Variants in KCNH1 observed in about 807,000 individuals in gnomAD.
KCNH1 encodes the protein voltage-gated delayed rectifier potassium channel KCNH1.
In KCNH1, 27 loss-of-function variants were observed where a neutral mutation model predicts 69.2. The ratio of observed to expected loss-of-function variants is 0.39; its 90% CI spans 0.29 to 0.54. The LOEUF (loss-of-function observed/expected upper bound fraction) is 0.54. Among genes scored for constraint, KCNH1 ranks in the 20% least tolerant of loss-of-function variants. KCNH1 has a pLI of 0.68. For missense variants in KCNH1, 798 were observed against 1,261.6 expected (o/e 0.63, Z 5.57); for synonymous variants, 456 against 487.7 (o/e 0.93, Z 0.86).
At chr1:210,702,361 T>C (rs1207670573) in intron 10 of KCNH1, among the ~76,000 whole-genome samples, 2 of 152,208 alleles carry the variant, frequency 1.3e-5, no homozygotes, top group African/African-American at 4.8e-5. Context: ...AGTTGAAATG[T>C]AGAGTTGATG....
chr1:210,930,999 A>C (rs1195007017), intron 6 of KCNH1, among the ~76,000 whole-genome samples: 1 of 152,222 alleles, frequency 6.6e-6, no homozygotes, highest in Non-Finnish European at 1.5e-5. Flanking sequence ...GGCCATAATC[A>C]AAAAGTCAAA....
At chr1:210,993,485 T>C (rs773476651) in intron 6 of KCNH1, among the ~76,000 whole-genome samples, 2 of 152,216 alleles carry the variant, frequency 1.3e-5, no homozygotes, top group African/African-American at 4.8e-5. Flanking sequence ...AAAGCCTCCA[T>C]CGTTGATTGT....
At chr1:210,758,041 G>A (rs1683436653) in intron 10 of KCNH1, among the ~76,000 whole-genome samples, 1 of 152,236 alleles carries the variant, frequency 6.6e-6, no homozygotes, top group Admixed American at 6.5e-5. Context: ...CTATTTGGAA[G>A]AGGTGCAGCA....
intron 1 of KCNH1, among the ~76,000 whole-genome samples, chr1:211,130,847 C>G (rs1416334292): frequency 6.6e-6 from 1 of 152,208 alleles, no homozygotes; most frequent in Non-Finnish European, 1.5e-5. Flanking sequence ...AGCTAAACCA[C>G]TGACAAAGGT....
chr1:211,079,544 T>C (rs1690811498), intron 5 of KCNH1, among the ~76,000 whole-genome samples: 1 of 152,182 alleles, frequency 6.6e-6, no homozygotes, highest in African/African-American at 2.4e-5. Flanking sequence ...ATATCCCTAA[T>C]AAACATTGAT....
intron 3 of KCNH1, among the ~76,000 whole-genome samples, chr1:211,099,355 T>G (rs1028801041): frequency 2.0e-5 from 3 of 152,304 alleles, no homozygotes; most frequent in Admixed American, 2.0e-4. Context: ...TAAAAATGCA[T>G]TAATTTAAAA....
intron 5 of KCNH1, among the ~76,000 whole-genome samples, chr1:211,078,991 A>T (rs1315586774): frequency 6.6e-6 from 1 of 151,712 alleles, no homozygotes; most frequent in Non-Finnish European, 1.5e-5. Context: ...AGATAGAGAC[A>T]CAAAAAAAAC....
At chr1:211,031,872 A>G (rs1689791801) in intron 5 of KCNH1, among the ~76,000 whole-genome samples, 1 of 152,132 alleles carries the variant, frequency 6.6e-6, no homozygotes, top group African/African-American at 2.4e-5. Flanking sequence ...GCCCTCTCTC[A>G]CCACTCCTAT....
intron 6 of KCNH1, 38 bp from the exon 7 acceptor site, chr1:210,920,107 C>A: frequency 6.3e-7 from 1 of 1,580,826 alleles, no homozygotes; most frequent in South Asian, 1.1e-5. Flanking sequence ...GCCAAAGAAC[C>A]AAAGATACTA....
chr1:210,982,801 G>C (rs1157897831), intron 6 of KCNH1, among the ~76,000 whole-genome samples: 2 of 152,086 alleles, frequency 1.3e-5, no homozygotes, highest in Non-Finnish European at 2.9e-5. Context: ...GGGATGGCTG[G>C]GTCAAATGGT....
chr1:211,066,273 T>C (rs1200393420), intron 5 of KCNH1, among the ~76,000 whole-genome samples: 1 of 152,238 alleles, frequency 6.6e-6, no homozygotes, highest in Admixed American at 6.5e-5. Flanking sequence ...CAAAATCTAA[T>C]ATTAAACTAA....
In KCNH1 at chr1:210,908,143, G is replaced by A. The variant is rs146283442; in HGVS notation, c.1462+11497C>T. ...TTCTTCTTAATCTCAATCTCTGTGAGTGTCATCACTGGAGTGCTGGTTAAT... is the reference window on the plus strand; with the variant it reads ...TTCTTCTTAATCTCAATCTCTGTGAATGTCATCACTGGAGTGCTGGTTAAT... On this transcript the variant is annotated intron_variant, in intron 7 of 10. Coordinates refer to ENST00000271751, the MANE Select transcript of KCNH1 (RefSeq NM_172362.3). 2.0e-3 allele frequency among the ~76,000 whole-genome samples: 311 copies of A among 152,332 alleles called. 1 individual carries two copies. The highest frequency in any genetic ancestry group is 7.1e-3 in the African/African-American group (296 of 41,578).
chr1:211,095,447 T>A (rs1331562506), intron 3 of KCNH1, among the ~76,000 whole-genome samples: 1 of 152,186 alleles, frequency 6.6e-6, no homozygotes, highest in Non-Finnish European at 1.5e-5. Context: ...ATCACTCTGA[T>A]TTTCATCCCT....
At chr1:210,852,728 A>G (rs1048750270) in intron 7 of KCNH1, among the ~76,000 whole-genome samples, 1 of 152,206 alleles carries the variant, frequency 6.6e-6, no homozygotes, top group African/African-American at 2.4e-5. Flanking sequence ...AGCCACAAAC[A>G]TTATGTAGGT....
At chr1:210,757,194 G>T (rs981264937) in intron 10 of KCNH1, among the ~76,000 whole-genome samples, 1 of 152,178 alleles carries the variant, frequency 6.6e-6, no homozygotes, top group African/African-American at 2.4e-5. Context: ...TCTATCTCAT[G>T]TGTAATTCCA....
chr1:211,021,881 A>T (rs900448272), intron 5 of KCNH1, among the ~76,000 whole-genome samples: 2 of 152,142 alleles, frequency 1.3e-5, no homozygotes, highest in Non-Finnish European at 2.9e-5. Context: ...AATTAATATT[A>T]TTACAATGTG....
chr1:210,868,556 G>C (rs1686165978), intron 7 of KCNH1, among the ~76,000 whole-genome samples: 1 of 151,870 alleles, frequency 6.6e-6, no homozygotes, highest in Non-Finnish European at 1.5e-5. Context: ...GTTAATTTTT[G>C]AGTCTACAGT....
At chr1:210,947,637 A>G (rs1687985367) in intron 6 of KCNH1, among the ~76,000 whole-genome samples, 1 of 152,118 alleles carries the variant, frequency 6.6e-6, no homozygotes, top group South Asian at 2.1e-4. Flanking sequence ...TCAATCAGTC[A>G]TATATATGAT....
chr1:210,714,764 C>T (rs1040177483), intron 10 of KCNH1, among the ~76,000 whole-genome samples: 3 of 152,298 alleles, frequency 2.0e-5, no homozygotes, highest in Middle Eastern at 6.8e-3. Context: ...GCACTCCACA[C>T]TCTGCATGTA....
Sources: allele counts gnomAD v4.1 joint callset (sites outside exome capture counted in the v4.1 genomes callset), GRCh38; gene constraint gnomAD v4.1.1; transcripts MANE v1.5; gene names NCBI Gene and HGNC (gene_info 2026-07-23, HGNC 2026-07-21).